Variants in TSHZ2 observed in about 807,000 individuals in gnomAD.
TSHZ2 encodes the protein teashirt zinc finger homeobox 2.
In TSHZ2, 21 loss-of-function variants were observed where a neutral mutation model predicts 74.4. The observed-to-expected ratio is 0.28, with a 90% confidence interval of 0.20 to 0.41. The LOEUF (loss-of-function observed/expected upper bound fraction) is 0.41, where lower values mean the gene tolerates loss of function less well. Among genes scored for constraint, TSHZ2 ranks in the 10% least tolerant of loss-of-function variants. TSHZ2 has a pLI of 1.00. For synonymous variants in TSHZ2, 540 were observed against 515.3 expected (o/e 1.05, Z -0.65); for missense variants, 1,244 against 1,293.5 (o/e 0.96, Z 0.59).
At chr20:53,037,393 C>A (rs1983861329) in intron 1 of TSHZ2, among the ~76,000 whole-genome samples, 1 of 152,124 alleles carries the variant, frequency 6.6e-6, no homozygotes, top group Non-Finnish European at 1.5e-5. Context: ...TTTTCTCCTG[C>A]GACTTAAAAG....
At chr20:53,432,129 C>T (rs1231895271) in intron 2 of TSHZ2, among the ~76,000 whole-genome samples, 1 of 152,154 alleles carries the variant, frequency 6.6e-6, no homozygotes, top group African/African-American at 2.4e-5. Context: ...CCTTCCAACC[C>T]TCCCCACTTC....
chr20:53,288,941 A>G (rs1305607388), intron 2 of TSHZ2, among the ~76,000 whole-genome samples: 2 of 152,130 alleles, frequency 1.3e-5, no homozygotes, highest in South Asian at 2.1e-4. Context: ...ATGGTACCCA[A>G]TGTGTAGTCT....
rs1313770760 is a variant in TSHZ2, at chr20:53,253,970, A to T, written c.512A>T (p.Asp171Val). 1 of 1,614,062 alleles carries T rather than the reference A, an allele frequency of 6.2e-7. No homozygotes were observed. The highest frequency in any genetic ancestry group is 1.3e-5 in the African/African-American group (1 of 75,018). ...AAGAGTGATTTTGATTGGCACCAAG[A>T]CGCTCTGTCCAAAAGCCTGCAGCAG... ...SNKSDFDWHQ[D>V]ALSKSLQQNL... The change falls in exon 2 of 3, where the codon GAC (aspartate) becomes GTC (valine). Residue 171 changes from aspartate (D) to valine (V), a missense_variant. Asp to Val is a radical substitution (Grantham distance 152). Coordinates refer to ENST00000371497, the MANE Select transcript of TSHZ2 (RefSeq NM_173485.6).
intron 1 of TSHZ2, among the ~76,000 whole-genome samples, chr20:53,220,507 G>A (rs182135270): frequency 1.3e-5 from 2 of 152,284 alleles, no homozygotes; most frequent in African/African-American, 2.4e-5. Flanking sequence ...GTTAGCTCAT[G>A]GGCCAACCTA....
chr20:53,172,389 G>C (rs2123487816), intron 1 of TSHZ2, among the ~76,000 whole-genome samples: 1 of 152,126 alleles, frequency 6.6e-6, no homozygotes, highest in East Asian at 1.9e-4. Flanking sequence ...CTGAACTCTA[G>C]CTATTGTTTG....
chr20:53,261,310 A>G (rs1389919910), intron 2 of TSHZ2, among the ~76,000 whole-genome samples: 1 of 152,242 alleles, frequency 6.6e-6, no homozygotes, highest in Non-Finnish European at 1.5e-5. Flanking sequence ...CCGCAGGGTG[A>G]AGCAGAACAT....
chr20:53,422,755 C>G (rs1377167068), intron 2 of TSHZ2, among the ~76,000 whole-genome samples: 1 of 152,130 alleles, frequency 6.6e-6, no homozygotes, highest in African/African-American at 2.4e-5. Flanking sequence ...GGGGAGAGAA[C>G]AAAACCTTAT....
chr20:53,341,209 GA>G (rs1314038746), intron 2 of TSHZ2, among the ~76,000 whole-genome samples: 1 of 152,126 alleles, frequency 6.6e-6, no homozygotes, highest in Non-Finnish European at 1.5e-5. Context: ...TACAAAATCA[GA>G]ACTCACAGCT....
chr20:53,122,403 T>C (rs1311025853), intron 1 of TSHZ2, among the ~76,000 whole-genome samples: 12 of 152,006 alleles, frequency 7.9e-5, no homozygotes, highest in Non-Finnish European at 2.9e-5. Context: ...TTGAGTATGT[T>C]TTAGGACAAA....
At position 53,451,429 on chromosome 20, in the gene TSHZ2, C is replaced by T. The variant is rs183184357; in HGVS notation, c.*9-35715C>T. On this transcript the variant is annotated intron_variant, in intron 2 of 2. Transcript: ENST00000371497. ...GTGCTAACCTCAATGACTTAGAATG[C>T]TTTGCTATATTTTGCCTCTATGCCT... Among the ~76,000 whole-genome samples the T allele has an allele frequency of 1.9e-4, 29 of 152,314 alleles. No homozygotes were observed. In the East Asian group the frequency reaches 3.9e-3, roughly 20 times the overall value.
chr20:53,151,914 C>T (rs1296677207), intron 1 of TSHZ2, among the ~76,000 whole-genome samples: 1 of 152,114 alleles, frequency 6.6e-6, no homozygotes, highest in African/African-American at 2.4e-5. Context: ...GAATATATTT[C>T]ATTATAATTA....
At chr20:53,439,746 T>C (rs1185182161) in intron 2 of TSHZ2, among the ~76,000 whole-genome samples, 1 of 152,222 alleles carries the variant, frequency 6.6e-6, no homozygotes, top group African/African-American at 2.4e-5. Flanking sequence ...TGCAGTTGGG[T>C]GTTTCCACCC....
chr20:52,973,677 C>T (rs1981217288), intron 1 of TSHZ2, among the ~76,000 whole-genome samples: 1 of 152,192 alleles, frequency 6.6e-6, no homozygotes, highest in South Asian at 2.1e-4. Context: ...GACAGCCCCT[C>T]CACCCCTGCA....
chr20:53,179,432 A>G (rs1988420586), intron 1 of TSHZ2: 1 of 152,220 alleles, frequency 6.6e-6, no homozygotes, highest in Non-Finnish European at 1.5e-5. Flanking sequence ...CAGAAAGTAC[A>G]TAAGCAGCTT....
chr20:53,381,337 C>A (rs1981852865), intron 2 of TSHZ2, among the ~76,000 whole-genome samples: 1 of 152,160 alleles, frequency 6.6e-6, no homozygotes, highest in Non-Finnish European at 1.5e-5. Context: ...CATTTGCTTG[C>A]CAGTAAATGT....
chr20:53,436,545 A>ATTTTTTT (rs1430483512), intron 2 of TSHZ2, among the ~76,000 whole-genome samples: 18 of 101,948 alleles, frequency 1.8e-4, no homozygotes, highest in South Asian at 3.6e-4. Flanking sequence ...TATTATTATT[A>ATTTTTTT]TTATTTTTTT....
intron 2 of TSHZ2, among the ~76,000 whole-genome samples, chr20:53,300,289 G>T (rs550830231): frequency 6.6e-6 from 1 of 152,330 alleles, no homozygotes; most frequent in East Asian, 1.9e-4. Context: ...TCAAGTCACT[G>T]CAGATTCAGG....
chr20:53,032,134 A>G (rs926245666), intron 1 of TSHZ2, among the ~76,000 whole-genome samples: 2 of 152,182 alleles, frequency 1.3e-5, no homozygotes, highest in African/African-American at 2.4e-5. Context: ...TCTTACCACA[A>G]ATTGCTCCAA....
chr20:53,229,555 G>A (rs561082269), intron 1 of TSHZ2, among the ~76,000 whole-genome samples: 1 of 152,272 alleles, frequency 6.6e-6, no homozygotes, highest in South Asian at 2.1e-4. Context: ...TCCTTGCAGT[G>A]GTGTCTCTGT....
Sources: allele counts gnomAD v4.1 joint callset (sites outside exome capture counted in the v4.1 genomes callset), GRCh38; gene constraint gnomAD v4.1.1; transcripts MANE v1.5; gene names NCBI Gene and HGNC (gene_info 2026-07-23, HGNC 2026-07-21).